The following IGF1R variants were observed in gnomAD, a reference collection of about 807,000 sequenced individuals.
IGF1R encodes the protein insulin like growth factor 1 receptor.
IGF1R carries 44 observed loss-of-function variants against 144.6 expected under a neutral mutation model. The ratio of observed to expected loss-of-function variants is 0.30; its 90% CI spans 0.24 to 0.39. The LOEUF (loss-of-function observed/expected upper bound fraction) is 0.39. Ranked by LOEUF, IGF1R falls within the 10% of genes least tolerant of loss-of-function variation. The pLI is 1.00. For synonymous variants in IGF1R, 795 were observed against 722.8 expected (o/e 1.10, Z -1.60); for missense variants, 1,355 against 1,833.7 (o/e 0.74, Z 4.77).
intron 2 of IGF1R, among the ~76,000 whole-genome samples, chr15:98,773,351 G>C (rs2055637818): frequency 6.6e-6 from 1 of 152,130 alleles, no homozygotes; most frequent in Admixed American, 6.6e-5. Context: ...AATTAATGAA[G>C]GTCAAGGCAT....
chr15:98,864,723 AT>A (rs1324956127), intron 2 of IGF1R, among the ~76,000 whole-genome samples: 2 of 152,320 alleles, frequency 1.3e-5, no homozygotes, highest in Non-Finnish European at 2.9e-5. Context: ...GTTTTAAAAA[AT>A]TGTCTGTTGT....
intron 1 of IGF1R, among the ~76,000 whole-genome samples, chr15:98,683,257 G>A (rs553969846): frequency 5.3e-5 from 8 of 152,102 alleles, no homozygotes; most frequent in Non-Finnish European, 1.2e-4. Flanking sequence ...CAGATACAGC[G>A]CCTTTTCACG....
intron 1 of IGF1R, among the ~76,000 whole-genome samples, chr15:98,677,590 T>A (rs1596173187): frequency 6.6e-6 from 1 of 152,148 alleles, no homozygotes; most frequent in Non-Finnish European, 1.5e-5. Context: ...TGCTGTGAGG[T>A]GCTCAAAGAG....
intron 2 of IGF1R, among the ~76,000 whole-genome samples, chr15:98,751,448 G>A (rs538372328): frequency 9.2e-5 from 14 of 152,126 alleles, no homozygotes; most frequent in Non-Finnish European, 1.8e-4. Flanking sequence ...GGCTTCAAGC[G>A]ATCCTCTCCC....
intron 18 of IGF1R, among the ~76,000 whole-genome samples, chr15:98,940,684 C>T (rs569668009): frequency 2.0e-5 from 3 of 152,320 alleles, no homozygotes; most frequent in Non-Finnish European, 4.4e-5. Context: ...AGATTACAGG[C>T]GTGAGCCACC....
Position 98,840,925 on chromosome 15 carries a change from C to T in IGF1R, c.641-50400C>T, listed in dbSNP as rs534472455. ...CAAACTCCTGACCTCAGGTGATCCG[C>T]CCGCCTCGGCCTCCCAAAGTGCTGG... is the stretch of plus-strand genomic sequence containing the variant. On this transcript the variant is annotated intron_variant, in intron 2 of 20. Coordinates refer to ENST00000650285, the MANE Select transcript of IGF1R (RefSeq NM_000875.5). Among the ~76,000 whole-genome samples, 11 of 152,266 alleles carry T rather than the reference C, an allele frequency of 7.2e-5. No homozygotes were observed. The South Asian group carries it at 2.3e-3, about 32-fold the overall frequency.
chr15:98,649,530 T>TTC lies in IGF1R; in HGVS notation c.-51_-50insCT. ...TCCTTTTTTTCTTTTCTTTTCTTTT[T>TTC]TTTTTTTTTTTTTTTTTTTGAGAAA... is the stretch of plus-strand genomic sequence containing the variant. On this transcript the variant is annotated 5_prime_UTR_variant, in exon 1 of 21. Coordinates refer to ENST00000650285, the MANE Select transcript of IGF1R (RefSeq NM_000875.5). 4 of 136,802 alleles carry TTC rather than the reference T, an allele frequency of 2.9e-5. No individual in the cohort carries two copies. Among genetic ancestry groups the TTC allele is most frequent in the Non-Finnish European group, 4.7e-5 (4 of 85,950 alleles). The allele number at this position is 136,802 out of a possible 1,614,324, so 8.5% of individuals were successfully genotyped here. A position where few individuals can be genotyped will look rare whatever the true frequency, so the allele number is the denominator to read the frequency against.
intron 20 of IGF1R, chr15:98,952,753 G>C (rs976754411): frequency 1.3e-5 from 2 of 152,184 alleles, no homozygotes; most frequent in African/African-American, 4.8e-5. Flanking sequence ...GGCACTTCCT[G>C]TTCTCAGCAT....
At chr15:98,714,579 TGGA>T (rs1330753826) in intron 2 of IGF1R, among the ~76,000 whole-genome samples, 1 of 150,936 alleles carries the variant, frequency 6.6e-6, no homozygotes, top group African/African-American at 2.4e-5. Context: ...CCTGGGGAGA[TGGA>T]GGTTACAGTG....
chr15:98,667,702 C>G (rs1455724581), intron 1 of IGF1R, among the ~76,000 whole-genome samples: 1 of 152,190 alleles, frequency 6.6e-6, no homozygotes, highest in Non-Finnish European at 1.5e-5. Context: ...GGAGCTTTCT[C>G]TGTCCCGCCC....
At chr15:98,679,940 T>A (rs2053146579) in intron 1 of IGF1R, among the ~76,000 whole-genome samples, 1 of 151,278 alleles carries the variant, frequency 6.6e-6, no homozygotes, top group Non-Finnish European at 1.5e-5. Flanking sequence ...ACAAAAAAGT[T>A]TAAAAAGTTA....
In IGF1R at chr15:98,673,892, A is replaced by G. The variant is rs953065036; in HGVS notation, c.94+24217A>G. 3.2e-4 allele frequency among the ~76,000 whole-genome samples: 48 copies of G among 152,078 alleles called. 1 individual carries two copies. Among genetic ancestry groups the G allele is most frequent in the Admixed American group, 6.5e-5 (1 of 15,268 alleles). On this transcript the variant is annotated intron_variant, in intron 1 of 20. Transcript: ENST00000650285. ...TTTTTCCCTGTTCCTTTTTCTCCTC[A>G]TCCAGTGAACTTTCCACTGTGGTTG...
At chr15:98,790,831 A>C (rs1302205022) in intron 2 of IGF1R, among the ~76,000 whole-genome samples, 1 of 152,236 alleles carries the variant, frequency 6.6e-6, no homozygotes. Flanking sequence ...ACACACATTC[A>C]TTTAGGGCAG....
At chr15:98,848,200 T>G (rs1004105362) in intron 2 of IGF1R, among the ~76,000 whole-genome samples, 1 of 152,174 alleles carries the variant, frequency 6.6e-6, no homozygotes, top group Non-Finnish European at 1.5e-5. Flanking sequence ...AATACATGTT[T>G]TGGGTGAGAG....
chr15:98,909,421 G>C (rs376410624), intron 6 of IGF1R, among the ~76,000 whole-genome samples: 11 of 151,958 alleles, frequency 7.2e-5, no homozygotes, highest in African/African-American at 2.4e-4. Flanking sequence ...ACCATGCCCA[G>C]CTAATTTTTG....
intron 2 of IGF1R, among the ~76,000 whole-genome samples, chr15:98,729,879 C>T (rs952132493): frequency 6.6e-6 from 1 of 152,162 alleles, no homozygotes; most frequent in African/African-American, 2.4e-5. Context: ...ATAAGGTTTG[C>T]CCTGCATAAC....
At position 98,959,207 on chromosome 15, in the gene IGF1R, T is replaced by A. The variant is rs533982384; in HGVS notation, c.*1765T>A. 85 of 232,758 alleles carry A rather than the reference T, an allele frequency of 3.7e-4. No homozygotes were observed. The highest frequency in any genetic ancestry group is 5.5e-4 in the Non-Finnish European group (65 of 117,640). The allele number at this position is 232,758 out of a possible 1,614,324, so 14.4% of individuals were successfully genotyped here. A position where few individuals can be genotyped will look rare whatever the true frequency, so the allele number is the denominator to read the frequency against. Reference sequence around the variant, plus strand: ...GGTTGTGACACACATATATATATATTTTTTTAATTCTTGGGTACAACAGCA... The same window carrying A: ...GGTTGTGACACACATATATATATATATTTTTAATTCTTGGGTACAACAGCA... On this transcript the variant is annotated 3_prime_UTR_variant, in exon 21 of 21. Coordinates refer to ENST00000650285, the MANE Select transcript of IGF1R (RefSeq NM_000875.5).
chr15:98,838,034 T>G (rs560382538), intron 2 of IGF1R, among the ~76,000 whole-genome samples: 62 of 152,344 alleles, frequency 4.1e-4, no homozygotes, highest in Admixed American at 1.2e-3. Flanking sequence ...TGAGAGTCTT[T>G]TAGGTACTGA....
chr15:98,839,401 A>G (rs1052332614), intron 2 of IGF1R, among the ~76,000 whole-genome samples: 6 of 151,852 alleles, frequency 4.0e-5, no homozygotes, highest in African/African-American at 1.4e-4. Flanking sequence ...CACCACCATC[A>G]CCACCCACCC....
Sources: gnomAD v4.1 joint callset for allele counts (sites outside exome capture counted in the v4.1 genomes callset) on GRCh38, gnomAD v4.1.1 for gene constraint, MANE v1.5 for transcripts, NCBI Gene and HGNC (gene_info 2026-07-23, HGNC 2026-07-21) for gene names.